The following NUP205 variants were observed in gnomAD, a reference collection of about 807,000 sequenced individuals.
NUP205 encodes nuclear pore complex protein Nup205.
A neutral mutation model predicts 253.8 loss-of-function variants in NUP205; 76 were observed. That is an observed-to-expected ratio of 0.30 (90% CI 0.25 to 0.36). The LOEUF is 0.36. NUP205 is among the 10% of genes least tolerant of loss of function. The pLI is 1.00. For missense variants in NUP205, 2,162 were observed against 2,425.5 expected (o/e 0.89, Z 2.28); for synonymous variants, 832 against 850.1 (o/e 0.98, Z 0.37).
At chr7:135,642,265 A>T (rs1048183606) in intron 38 of NUP205, among the ~76,000 whole-genome samples, 1 of 152,090 alleles carries the variant, frequency 6.6e-6, no homozygotes, top group African/African-American at 2.4e-5. Context: ...AAAAAAAAAA[A>T]AAAAGAAATT....
rs1793989799 is a variant in NUP205, at chr7:135,602,683, A to G, written c.2513-122A>G. Reference sequence around the variant, plus strand: ...TAGGTTTTGCTGCTGAAAGTTGGAAACAAGAGTCTGAATCTCTAGATCTGA... The same window carrying G: ...TAGGTTTTGCTGCTGAAAGTTGGAAGCAAGAGTCTGAATCTCTAGATCTGA... On this transcript the variant is annotated intron_variant, in intron 17 of 42. Coordinates refer to ENST00000285968, the MANE Select transcript of NUP205 (RefSeq NM_015135.3). The G allele has an allele frequency of 6.5e-6, 5 of 767,254 alleles. No individual in the cohort carries two copies. The East Asian group carries it at 1.4e-4, about 21-fold the overall frequency. 47.5% of individuals were successfully genotyped at this position (767,254 alleles called of 1,614,324 possible). A position where few individuals can be genotyped will look rare whatever the true frequency, so the allele number is the denominator to read the frequency against.
chr7:135,605,807 T>A (rs1197738458), intron 19 of NUP205, among the ~76,000 whole-genome samples: 1 of 151,472 alleles, frequency 6.6e-6, no homozygotes, highest in Non-Finnish European at 1.5e-5. Context: ...TAAGATCTCG[T>A]AACATTGACT....
At position 135,648,554 on chromosome 7, in the gene NUP205, T is replaced by C. The variant is rs1795059562; in HGVS notation, c.6037T>C (p.Ter2013ArgextTer21). 1 of 1,549,898 alleles carries C rather than the reference T, an allele frequency of 6.5e-7. No homozygotes were observed. The highest frequency in any genetic ancestry group is 8.7e-7 in the Non-Finnish European group (1 of 1,153,234). ...IRGLLRISRN[*>R] ...TGGCCTCTTGAGGATATCAAGGAAC[T>C]GAGAGCCCGTGCTTATGCTCTTCTA... The change falls in exon 43 of 43, where the codon TGA becomes CGA. Residue 2013 changes from the stop codon to arginine (R), a stop_lost. Coordinates refer to ENST00000285968, the MANE Select transcript of NUP205 (RefSeq NM_015135.3).
intron 1 of NUP205, among the ~76,000 whole-genome samples, chr7:135,567,124 G>A (rs113572664): frequency 0.016 from 376 of 24,212 alleles, 85 homozygotes; most frequent in Non-Finnish European, 0.02. Context: ...CTCAGTCTAT[G>A]TGTGTATATA....
At chr7:135,577,176 A>T in intron 5 of NUP205, 48 bp downstream of exon 5, 1 of 1,528,614 alleles carries the variant, frequency 6.5e-7, no homozygotes, top group Non-Finnish European at 8.9e-7. Context: ...CAAATCTCAG[A>T]GGCAGAAACA....
intron 1 of NUP205, among the ~76,000 whole-genome samples, chr7:135,570,715 A>C (rs1307929745): frequency 3.0e-5 from 1 of 32,978 alleles, no homozygotes; most frequent in African/African-American, 9.6e-5. Flanking sequence ...TATTAATATA[A>C]TTAATTATAT....
chr7:135,577,772 T>C, intron 5 of NUP205, 24 bp from the exon 6 acceptor site: 2 of 1,539,726 alleles, frequency 1.3e-6, no homozygotes, highest in Non-Finnish European at 1.8e-6. Context: ...TTATTTATAC[T>C]GATAGTCATG....
chr7:135,598,217 A>G lies in NUP205; in HGVS notation c.2274+10A>G. On this transcript the variant is annotated intron_variant, in intron 15 of 42. Transcript: ENST00000285968. ...GAGAGCAGCTGAAAAGGTTATGTTC[A>G]GAGAAAAGCTTTTTTCTCCTTATGC... 1 of 1,610,472 alleles carries G rather than the reference A, an allele frequency of 6.2e-7. No individual in the cohort carries two copies. Among genetic ancestry groups the G allele is most frequent in the Admixed American group, 1.7e-5 (1 of 59,492 alleles).
chr7:135,570,828 A>ATTATATTAATATATATT (rs1491494039), intron 1 of NUP205, among the ~76,000 whole-genome samples: 3 of 69,602 alleles, frequency 4.3e-5, no homozygotes, highest in Admixed American at 1.9e-4. Context: ...ATTAATATAT[A>ATTATATTAATATATATT]AATTATATAT....
chr7:135,606,069 C>CAT, intron 19 of NUP205, 76 bp from the exon 20 acceptor site: 2 of 956,854 alleles, frequency 2.1e-6, no homozygotes, highest in South Asian at 1.4e-5. Context: ...TGAATATTTA[C>CAT]ATATATCAAT....
In NUP205 at chr7:135,573,155, G is replaced by A. The variant is rs139229018; in HGVS notation, c.172-499G>A. On this transcript the variant is annotated intron_variant, in intron 2 of 42. Transcript: ENST00000285968. ...GACCAATGTGTAACCTTTAAGTTCC[G>A]AAACTTTAGATGTATGATCTATCAG... Among the ~76,000 whole-genome samples, 7 of 152,020 alleles carry A rather than the reference G, an allele frequency of 4.6e-5. No homozygotes were observed. The East Asian group carries it at 1.4e-3, about 29-fold the overall frequency.
intron 2 of NUP205, among the ~76,000 whole-genome samples, chr7:135,571,763 T>C (rs1563110750): frequency 6.6e-6 from 1 of 152,196 alleles, no homozygotes; most frequent in Non-Finnish European, 1.5e-5. Flanking sequence ...TATTATTGGC[T>C]ATCACCCTGT....
chr7:135,593,903 A>G (rs981270826), intron 12 of NUP205, among the ~76,000 whole-genome samples: 2 of 152,212 alleles, frequency 1.3e-5, no homozygotes, highest in African/African-American at 4.8e-5. Context: ...AGTGTTCTAT[A>G]GCACTACAGG....
chr7:135,591,792 T>G (rs1806636798), intron 11 of NUP205, among the ~76,000 whole-genome samples, 192 bp downstream of exon 11: 2 of 152,230 alleles, frequency 1.3e-5, no homozygotes, highest in African/African-American at 2.4e-5. Context: ...TCTCACAGAT[T>G]GGGGAGTTTT....
chr7:135,602,226 G>A (rs1016220500), intron 17 of NUP205, among the ~76,000 whole-genome samples: 3 of 152,194 alleles, frequency 2.0e-5, no homozygotes, highest in Admixed American at 6.5e-5. Flanking sequence ...GACACTATAG[G>A]AAGAATTAGG....
At position 135,571,818 on chromosome 7, in the gene NUP205, C is replaced by T. The variant is rs1365104773; in HGVS notation, c.171+571C>T. ...TCCTTGCAAGTAAACTCTTAATGTA[C>T]GTAACAAAAACATGTCACCTGTCTC... On this transcript the variant is annotated intron_variant, in intron 2 of 42. Coordinates refer to ENST00000285968, the MANE Select transcript of NUP205 (RefSeq NM_015135.3). 2.6e-5 allele frequency among the ~76,000 whole-genome samples: 4 copies of T among 152,100 alleles called. No homozygotes were observed. The East Asian group carries it at 5.8e-4, about 22-fold the overall frequency.
chr7:135,608,063 G>T (rs1435207776), intron 22 of NUP205, among the ~76,000 whole-genome samples: 6 of 135,674 alleles, frequency 4.4e-5, no homozygotes, highest in African/African-American at 1.7e-4. Flanking sequence ...GTCTCGCTCT[G>T]TTGCCCAGGC....
At chr7:135,632,651 T>C (rs756228079) in intron 35 of NUP205, among the ~76,000 whole-genome samples, 15 of 152,110 alleles carry the variant, frequency 9.9e-5, no homozygotes, top group Non-Finnish European at 2.2e-4. Flanking sequence ...GATCCCAGGG[T>C]CTATTCCACC....
chr7:135,559,248 CGT>C (rs1805515078), intron 1 of NUP205, among the ~76,000 whole-genome samples: 1 of 152,162 alleles, frequency 6.6e-6, no homozygotes, highest in South Asian at 2.1e-4. Context: ...TGATATTAGA[CGT>C]ATATATTAGA....
Sources: allele counts gnomAD v4.1 joint callset (sites outside exome capture counted in the v4.1 genomes callset), GRCh38; gene constraint gnomAD v4.1.1; transcripts MANE v1.5; gene names NCBI Gene and HGNC (gene_info 2026-07-23, HGNC 2026-07-21).